The following RALGAPA1 variants were observed in gnomAD, a reference collection of about 807,000 sequenced individuals.
The protein encoded by RALGAPA1 is ral GTPase-activating protein subunit alpha-1.
RALGAPA1 carries 52 observed loss-of-function variants against 269.6 expected under a neutral mutation model. The observed-to-expected ratio is 0.19, with a 90% CI of 0.15 to 0.24. The LOEUF is 0.24. Ranked by LOEUF, RALGAPA1 falls within the 10% of genes least tolerant of loss-of-function variation. The pLI is 1.00. For synonymous variants in RALGAPA1, 817 were observed against 1,008.3 expected, an observed-to-expected ratio of 0.81 and a Z score of 3.60; for missense variants, 1,917 against 3,013.9, an observed-to-expected ratio of 0.64 and a Z score of 8.52.
intron 17 of RALGAPA1, among the ~76,000 whole-genome samples, chr14:35,692,079 G>C (rs2066526204): frequency 2.0e-5 from 3 of 151,952 alleles, no homozygotes; most frequent in Admixed American, 6.6e-5. Flanking sequence ...TTTTACATCT[G>C]CCATAAGAGA....
chr14:35,711,388 T>A lies in RALGAPA1; in HGVS notation c.2266+10300A>T, dbSNP rs188225038. ...CTAGCATATGAATTACACTACATTTTAAAAAAACCTTTTTTAGTGGTTGCC... is the reference window on the plus strand; with the variant it reads ...CTAGCATATGAATTACACTACATTTAAAAAAAACCTTTTTTAGTGGTTGCC... On this transcript the variant is annotated intron_variant, in intron 16 of 41. Coordinates refer to ENST00000680220, the MANE Select transcript of RALGAPA1 (RefSeq NM_001346249.2). 7.9e-3 allele frequency among the ~76,000 whole-genome samples: 1,198 copies of A among 152,262 alleles called. 6 individuals are homozygous for A. The highest frequency in any genetic ancestry group is 0.011 in the Non-Finnish European group (761 of 68,012).
intron 35 of RALGAPA1, among the ~76,000 whole-genome samples, chr14:35,622,540 C>T (rs1196079376): frequency 6.6e-6 from 1 of 152,012 alleles, no homozygotes; most frequent in Non-Finnish European, 1.5e-5. Context: ...AATATATACA[C>T]TTACAATGTG....
At chr14:35,698,267 T>TC (rs2067052948) in intron 17 of RALGAPA1, among the ~76,000 whole-genome samples, 1 of 152,202 alleles carries the variant, frequency 6.6e-6, no homozygotes, top group African/African-American at 2.4e-5. Context: ...GAATTATGTA[T>TC]TTACAGCAAA....
chr14:35,601,840 G>A (rs1201752788), intron 36 of RALGAPA1, among the ~76,000 whole-genome samples: 1 of 152,122 alleles, frequency 6.6e-6, no homozygotes, highest in Non-Finnish European at 1.5e-5. Context: ...TCCCAGAAGT[G>A]GAAATCTCCT....
chr14:35,566,777 G>A (rs2056745920), intron 39 of RALGAPA1, among the ~76,000 whole-genome samples: 1 of 150,884 alleles, frequency 6.6e-6, no homozygotes, highest in South Asian at 2.1e-4. Context: ...TCTAGTTGTA[G>A]TTTATTATAT....
intron 37 of RALGAPA1, among the ~76,000 whole-genome samples, chr14:35,577,206 G>T (rs2057625877): frequency 6.6e-6 from 1 of 152,036 alleles, no homozygotes. Flanking sequence ...TCTATGGCCT[G>T]CTCCATGTTC....
chr14:35,710,866 C>A, intron 16 of RALGAPA1, among the ~76,000 whole-genome samples: 1 of 152,240 alleles, frequency 6.6e-6, no homozygotes, highest in East Asian at 1.9e-4. Flanking sequence ...ATATTGCACA[C>A]GTTTGCAGCC....
chr14:35,569,109 CTG>C (rs1418911704), intron 39 of RALGAPA1, among the ~76,000 whole-genome samples: 1 of 152,164 alleles, frequency 6.6e-6, no homozygotes, highest in Non-Finnish European at 1.5e-5. Flanking sequence ...TTCCATTTCA[CTG>C]TGTCAGAATA....
chr14:35,675,376 C>A (rs2064851724), intron 22 of RALGAPA1, among the ~76,000 whole-genome samples: 1 of 152,184 alleles, frequency 6.6e-6, no homozygotes, highest in Non-Finnish European at 1.5e-5. Flanking sequence ...CAGGGTTTCA[C>A]TATGTTGGCC....
chr14:35,613,279 A>G (rs2060065830), intron 35 of RALGAPA1, among the ~76,000 whole-genome samples: 1 of 151,890 alleles, frequency 6.6e-6, no homozygotes, highest in Non-Finnish European at 1.5e-5. Context: ...ACGGGGTTTC[A>G]CTATGTTGGC....
intron 12 of RALGAPA1, among the ~76,000 whole-genome samples, chr14:35,734,774 T>C (rs1231294842): frequency 6.7e-6 from 1 of 150,364 alleles, no homozygotes; most frequent in South Asian, 2.1e-4. Context: ...ACCCACAGAG[T>C]AGGGGAAAAT....
intron 36 of RALGAPA1, among the ~76,000 whole-genome samples, chr14:35,605,366 C>T (rs1333358923): frequency 2.0e-5 from 3 of 152,130 alleles, no homozygotes; most frequent in Non-Finnish European, 4.4e-5. Flanking sequence ...GTTTAGTACT[C>T]TTTCACAATA....
At chr14:35,719,391 T>G (rs963144935) in intron 16 of RALGAPA1, among the ~76,000 whole-genome samples, 4 of 152,200 alleles carry the variant, frequency 2.6e-5, no homozygotes, top group Admixed American at 6.5e-5. Flanking sequence ...CTGCCCCTTT[T>G]TATAACTCCA....
chr14:35,590,735 A>G (rs1039623240), intron 37 of RALGAPA1, among the ~76,000 whole-genome samples: 4 of 152,252 alleles, frequency 2.6e-5, no homozygotes, highest in African/African-American at 9.6e-5. Context: ...ACAGTAGTCA[A>G]TCAAATCTTA....
At chr14:35,601,725 G>C (rs923058900) in intron 36 of RALGAPA1, among the ~76,000 whole-genome samples, 3 of 152,210 alleles carry the variant, frequency 2.0e-5, no homozygotes, top group Non-Finnish European at 2.9e-5. Context: ...TAGTTATTCT[G>C]TCTTTTCTCC....
chr14:35,634,906 C>A, intron 32 of RALGAPA1, 149 bp from the exon 33 acceptor site: 1 of 738,522 alleles, frequency 1.4e-6, no homozygotes, highest in Non-Finnish European at 2.0e-6. Flanking sequence ...GTGGCTCATG[C>A]CTGTAATCCC....
intron 37 of RALGAPA1, 118 bp from the exon 38 acceptor site, chr14:35,572,836 A>C (rs551505716): frequency 3.0e-6 from 2 of 660,040 alleles, no homozygotes; most frequent in Admixed American, 6.4e-5. Context: ...ATTGCACTTG[A>C]TCAGTTTTAC....
intron 1 of RALGAPA1, among the ~76,000 whole-genome samples, chr14:35,796,107 G>T (rs570214593): frequency 6.6e-6 from 1 of 152,212 alleles, no homozygotes; most frequent in Non-Finnish European, 1.5e-5. Flanking sequence ...TTCTAGAACT[G>T]AAAGAGATGT....
chr14:35,588,776 T>C (rs959480622), intron 37 of RALGAPA1, among the ~76,000 whole-genome samples: 19 of 152,086 alleles, frequency 1.2e-4, no homozygotes, highest in African/African-American at 4.6e-4. Flanking sequence ...GAAAATGAAA[T>C]CAGTATGTCA....
Sources: gnomAD v4.1 joint callset for allele counts (sites outside exome capture counted in the v4.1 genomes callset) on GRCh38, gnomAD v4.1.1 for gene constraint, MANE v1.5 for transcripts, NCBI Gene and HGNC (gene_info 2026-07-23, HGNC 2026-07-21) for gene names.